Variants in ESPN observed in about 807,000 individuals in gnomAD.
ESPN encodes espin.
Under a neutral mutation model 77.7 loss-of-function variants are expected in ESPN, and 68 were observed. That is an observed-to-expected ratio of 0.87 (90% CI 0.72 to 1.07). The LOEUF (loss-of-function observed/expected upper bound fraction) is 1.07, where lower values mean the gene tolerates loss of function less well. Among genes scored for constraint, ESPN ranks in the 50% least tolerant of loss-of-function variants. ESPN has a pLI of 0.00. For synonymous variants in ESPN, 449 were observed against 567.1 expected, an observed-to-expected ratio of 0.79 and a Z score of 2.96; for missense variants, 1,060 against 1,239.0, an observed-to-expected ratio of 0.86 and a Z score of 2.17.
rs141783157 is a variant in ESPN at position 6,460,140 on chromosome 1, G to A, written c.2559G>A (p.Lys853=). 68 of 1,611,430 alleles carry A rather than the reference G, an allele frequency of 4.2e-5. No homozygotes were observed. In the African/African-American group the frequency reaches 8.3e-4, roughly 20 times the overall value. The change falls in exon 13 of 13, where the codon AAG becomes AAA. Residue 853 remains lysine, a synonymous_variant. Coordinates refer to ENST00000645284, the MANE Select transcript of ESPN (RefSeq NM_031475.3). ...QVILKKGDIA[K]Y ...TCCTGAAGAAGGGGGACATCGCTAAGTACTAGAGGCCGCAGACTCCTGTCC... is the reference window on the plus strand; with the variant it reads ...TCCTGAAGAAGGGGGACATCGCTAAATACTAGAGGCCGCAGACTCCTGTCC...
At chr1:6,435,416 C>T (rs1410152307) in intron 2 of ESPN, among the ~76,000 whole-genome samples, 3 of 152,232 alleles carry the variant, frequency 2.0e-5, no homozygotes, top group African/African-American at 4.8e-5. Flanking sequence ...CCCACACGGG[C>T]GACCCATGTT....
At chr1:6,457,407 A>G (rs773875683) in intron 12 of ESPN, 35 bp downstream of exon 12, 1 of 1,614,188 alleles carries the variant, frequency 6.2e-7, no homozygotes, top group South Asian at 1.1e-5. Context: ...TGCCACCCTT[A>G]TCCCCACCCA....
intron 7 of ESPN, 115 bp from the exon 8 acceptor site, chr1:6,448,526 A>AC: frequency 1.1e-6 from 1 of 871,594 alleles, no homozygotes; most frequent in Non-Finnish European, 1.7e-6. Flanking sequence ...CAGCTGCTGC[A>AC]CCCCTCGACG....
rs112722425 is a variant in ESPN at position 6,442,312 on chromosome 1, T to C, written c.990+1247T>C. Among the ~76,000 whole-genome samples the C allele has an allele frequency of 6.2e-3, 941 of 152,330 alleles. 7 individuals carry two copies. Among genetic ancestry groups the C allele is most frequent in the African/African-American group, 0.022 (902 of 41,580 alleles). ...TTGGCCGGGTGCAGTGGCTCATGCC[T>C]GTAATCCCAGCACTTTGGGAGGCAA... On this transcript the variant is annotated intron_variant, in intron 5 of 12. Transcript: ENST00000645284.
In ESPN at chr1:6,450,482, C is replaced by T. The variant is rs910656287; in HGVS notation, c.1916-1121C>T. 15 of 975,042 alleles carry T rather than the reference C, an allele frequency of 1.5e-5. No individual in the cohort carries two copies. Among genetic ancestry groups the T allele is most frequent in the African/African-American group, 1.8e-5 (1 of 56,966 alleles). 60.4% of individuals were successfully genotyped at this position (975,042 alleles called of 1,614,324 possible). ...GAGGCACAGGAAGAGTGAGTAGCTG[C>T]GTGCGCGGCTCCTGGCTGAGGCTGA... is the stretch of plus-strand genomic sequence containing the variant. On this transcript the variant is annotated intron_variant, in intron 8 of 12. Coordinates refer to ENST00000645284, the MANE Select transcript of ESPN (RefSeq NM_031475.3). This position sits in a 1 kb window ranked among gnomAD's most constrained non-coding sequence, Gnocchi z 4.3.
At chr1:6,439,827 G>A (rs1183329861) in intron 2 of ESPN, among the ~76,000 whole-genome samples, 1 of 152,182 alleles carries the variant, frequency 6.6e-6, no homozygotes, top group Non-Finnish European at 1.5e-5. Flanking sequence ...GGTCAACATG[G>A]TGAAACCCTG....
intron 8 of ESPN, among the ~76,000 whole-genome samples, chr1:6,449,653 G>C (rs372385959): frequency 7.4e-4 from 113 of 152,316 alleles, no homozygotes; most frequent in African/African-American, 2.4e-3. Flanking sequence ...TTCTGCCAGG[G>C]GCCCTGGGCC....
chr1:6,460,475 C>T lies in ESPN; in HGVS notation c.*329C>T, dbSNP rs748769000. On this transcript the variant is annotated 3_prime_UTR_variant, in exon 13 of 13. Transcript: ENST00000645284. ...CTCTCCCCAGCCCCGTGGGTGGTGA[C>T]TTTGTTTTCCTGCGGGGCTCAGCCC... 6 of 216,356 alleles carry T rather than the reference C, an allele frequency of 2.8e-5. No homozygotes were observed. The highest frequency in any genetic ancestry group is 5.4e-5 in the Admixed American group (1 of 18,426). 13.4% of individuals were successfully genotyped at this position (216,356 alleles called of 1,614,324 possible). A position where few individuals can be genotyped will look rare whatever the true frequency, so the allele number is the denominator to read the frequency against.
In ESPN at chr1:6,428,745, G is replaced by A. The variant is rs962974165; in HGVS notation, c.488+326G>A. Reference sequence around the variant, plus strand: ...CCCTTGGGCTGCTTCTGCCGCAGGGGCTCTCTCTGGCTCAGGCTGTGCTCA... The same window carrying A: ...CCCTTGGGCTGCTTCTGCCGCAGGGACTCTCTCTGGCTCAGGCTGTGCTCA... On this transcript the variant is annotated intron_variant, in intron 2 of 12. Coordinates refer to ENST00000645284, the MANE Select transcript of ESPN (RefSeq NM_031475.3). The surrounding 1 kb of genome is among the most constrained non-coding windows in gnomAD (Gnocchi z 5.4). Among the ~76,000 whole-genome samples, 1 of 152,206 alleles carries A rather than the reference G, an allele frequency of 6.6e-6. No homozygotes were observed. Among genetic ancestry groups the A allele is most frequent in the Non-Finnish European group, 1.5e-5 (1 of 68,024 alleles).
At position 6,425,267 on chromosome 1, in the gene ESPN, G is replaced by T. The variant is rs1642994279; in HGVS notation, c.294+18G>T. The T allele has an allele frequency of 1.5e-5, 23 of 1,566,108 alleles. No individual in the cohort carries two copies. The highest frequency in any genetic ancestry group is 2.0e-5 in the Non-Finnish European group (23 of 1,164,488). ...GAGTGCAGGTGGGTCCGCGCGGTTCGCCAGGGGCACTGAGGCTTCCTCCTC... is the reference window on the plus strand; with the variant it reads ...GAGTGCAGGTGGGTCCGCGCGGTTCTCCAGGGGCACTGAGGCTTCCTCCTC... On this transcript the variant is annotated intron_variant, in intron 1 of 12. Transcript: ENST00000645284.
intron 10 of ESPN, 137 bp downstream of exon 10, chr1:6,452,233 C>T: frequency 9.2e-7 from 1 of 1,092,058 alleles, no homozygotes; most frequent in Non-Finnish European, 1.3e-6. Context: ...GAGACAGAGT[C>T]TTGCTCTGTC....
intron 5 of ESPN, 87 bp from the exon 6 acceptor site, chr1:6,444,394 G>A (rs973306447): frequency 1.2e-5 from 17 of 1,363,058 alleles, no homozygotes; most frequent in African/African-American, 1.0e-4. Flanking sequence ...ATCCCACAGC[G>A]AAGGCATGAC....
chr1:6,441,255 G>A (rs115345489), intron 5 of ESPN, among the ~76,000 whole-genome samples, 190 bp downstream of exon 5: 2,163 of 152,172 alleles, frequency 0.014, 22 homozygotes, highest in Middle Eastern at 0.051. Context: ...AAAGGTCAAC[G>A]GAAAGAGGAC....
In ESPN at chr1:6,444,500, T is replaced by A. The variant is rs761229044; in HGVS notation, c.1010T>A (p.Leu337His). ...VENLSVEHRVLSRDPSAELEA... is the reference protein window; with the variant it reads ...VENLSVEHRVHSRDPSAELEA... ...CTTCAGAGCGTGGAGCACCGCGTGC[T>A]TTCCCGGGATCCATCCGCAGAGCTG... Residue 337 changes from leucine to histidine, a missense_variant, in exon 6 of 13, where the codon CTT becomes CAT. Around this residue, in one of 3 missense-constraint regions of ESPN, gnomAD observed 556 missense variants for 633.6 expected, o/e 0.88. Coordinates refer to ENST00000645284, the MANE Select transcript of ESPN (RefSeq NM_031475.3). The A allele has an allele frequency of 6.2e-7, 1 of 1,614,228 alleles. No individual in the cohort carries two copies. Among genetic ancestry groups the A allele is most frequent in the Admixed American group, 1.7e-5 (1 of 60,030 alleles).
chr1:6,442,998 C>CTGGT (rs1268679235), intron 5 of ESPN: 1 of 151,384 alleles, frequency 6.6e-6, no homozygotes, highest in African/African-American at 2.4e-5. Flanking sequence ...ATGATGAAAC[C>CTGGT]CCATCTCTAC....
chr1:6,457,123 T>A, intron 10 of ESPN, 61 bp from the exon 11 acceptor site: 1 of 1,508,324 alleles, frequency 6.6e-7, no homozygotes, highest in Non-Finnish European at 9.0e-7. Context: ...GGTCCCGAGG[T>A]TGAGGGTGCC....
At position 6,460,267 on chromosome 1, in the gene ESPN, C is replaced by G. The variant is rs1644135543; in HGVS notation, c.*121C>G. The G allele has an allele frequency of 3.2e-6, 4 of 1,260,310 alleles. No homozygotes were observed. In the African/African-American group the frequency reaches 6.0e-5, roughly 19 times the overall value. 78.1% of individuals were successfully genotyped at this position (1,260,310 alleles called of 1,614,324 possible). On this transcript the variant is annotated 3_prime_UTR_variant, in exon 13 of 13. Transcript: ENST00000645284. The stretch of plus-strand genomic sequence containing the variant: ...CAGCCCTCCCCTCCTGCGCTGGAAA[C>G]CCTCCCTGACCCCCACCCTGGCCCC...
At position 6,424,926 on chromosome 1, in the gene ESPN, G is replaced by A; in HGVS notation, c.-30G>A. The A allele has an allele frequency of 7.0e-7, 1 of 1,433,460 alleles. No homozygotes were observed. The highest frequency in any genetic ancestry group is 3.1e-5 in the East Asian group (1 of 31,770). The allele number at this position is 1,433,460 out of a possible 1,614,324, so 88.8% of individuals were successfully genotyped here. On this transcript the variant is annotated 5_prime_UTR_variant, in exon 1 of 13. In the 5' UTR this introduces an upstream ATG that the reference lacks. Transcript: ENST00000645284. ...CATGGCGTCCTGGGGAAGGCGCTGA[G>A]TGCGGAGTCGCGGCGCCGCACGCGG... is the stretch of plus-strand genomic sequence containing the variant.
chr1:6,461,162 T>G, downstream of ESPN: 2 of 682,572 alleles, frequency 2.9e-6, no homozygotes, highest in East Asian at 2.9e-5. The surrounding 1 kb of genome is among the most constrained non-coding windows in gnomAD (Gnocchi z 6.3). Flanking sequence ...TTTTGTTTTG[T>G]TTTGTTTTCT....
Sources: allele counts gnomAD v4.1 joint callset (sites outside exome capture counted in the v4.1 genomes callset), GRCh38; gene constraint gnomAD v4.1.1; regional missense constraint gnomAD v4.1.1; non-coding constraint Gnocchi (gnomAD v3.1); transcripts MANE v1.5; gene names NCBI Gene and HGNC (gene_info 2026-07-23, HGNC 2026-07-21).